Variants in VWF observed in about 807,000 individuals in gnomAD.
The protein encoded by VWF is von Willebrand factor, also known as Factor VIII related antigen.
Under a neutral mutation model 308.6 loss-of-function variants are expected in VWF, and 176 were observed. The ratio of observed to expected loss-of-function variants is 0.57; its 90% CI spans 0.50 to 0.65. The LOEUF is 0.65. Among genes scored for constraint, VWF ranks in the 30% least tolerant of loss-of-function variants. The probability of loss-of-function intolerance (pLI) is 0.00; values close to 1 mark genes in which losing one functional copy is unlikely to be tolerated. For missense variants in VWF, 3,146 were observed against 3,648.2 expected, an observed-to-expected ratio of 0.86 and a Z score of 3.55; for synonymous variants, 1,385 against 1,443.4, an observed-to-expected ratio of 0.96 and a Z score of 0.92.
At chr12:5,981,232 C>A (rs539801293) in intron 42 of VWF, among the ~76,000 whole-genome samples, 3 of 151,734 alleles carry the variant, frequency 2.0e-5, no homozygotes, top group African/African-American at 7.3e-5. Context: ...AATGAGTAAA[C>A]TATTAACTGC....
At chr12:6,026,222 C>G (rs1944190960) in intron 22 of VWF, among the ~76,000 whole-genome samples, 176 bp from the exon 23 acceptor site, 1 of 152,152 alleles carries the variant, frequency 6.6e-6, no homozygotes. Flanking sequence ...CTTGCCATTG[C>G]CAAGACCCAT....
Position 6,029,413 on chromosome 12 carries a change from G to A in VWF, c.2896C>T (p.Leu966=). ...CAGACCACGGAGAGGGCTTTGCCCA[G>A]CAGCAGAATGATGTACCGGCCAGAC... is the stretch of plus-strand genomic sequence containing the variant. ...VESGRYIILL[L]GKALSVVWDR... is the part of the protein sequence containing the mutation. The change falls in exon 22 of 52, where the codon CTG becomes TTG. Residue 966 remains leucine (L), a synonymous_variant. Transcript: ENST00000261405. 6.2e-7 allele frequency: 1 copy of A among 1,614,154 alleles called. No individual in the cohort carries two copies. The highest frequency in any genetic ancestry group is 8.5e-7 in the Non-Finnish European group (1 of 1,180,048).
intron 6 of VWF, among the ~76,000 whole-genome samples, chr12:6,086,136 G>A (rs1476825931): frequency 1.3e-5 from 2 of 152,146 alleles, no homozygotes; most frequent in Non-Finnish European, 2.9e-5. Context: ...CCTCAGAGAG[G>A]GAAGACTGAG....
At chr12:6,053,624 A>G (rs1047780387) in intron 15 of VWF, among the ~76,000 whole-genome samples, 5 of 152,236 alleles carry the variant, frequency 3.3e-5, no homozygotes, top group Non-Finnish European at 7.3e-5. Flanking sequence ...AGCTAAGGGA[A>G]CGGGCTCTGT....
At chr12:6,039,947 A>G (rs1429506836) in intron 18 of VWF, among the ~76,000 whole-genome samples, 2 of 152,194 alleles carry the variant, frequency 1.3e-5, no homozygotes, top group African/African-American at 4.8e-5. Flanking sequence ...TCTCCCAGAC[A>G]GAGGCCTAAG....
chr12:5,993,991 C>T lies in VWF; in HGVS notation c.6469G>A (p.Ala2157Thr). ...FAECHKVLAP[A>T]TFYAICQQDS... is the part of the protein sequence containing the mutation. ...TGCTGGCAGATGGCATAGAATGTGG[C>T]TGGAGCCAGGACCTTGTGGCATTCA... The change falls in exon 37 of 52, where the codon GCC becomes ACC. Residue 2157 changes from alanine to threonine, a missense_variant. Physicochemically the swap from Ala to Thr is moderately conservative, Grantham distance 58. This residue lies in a region of VWF where 989 missense variants were observed against 1,117.4 expected (regional missense o/e 0.89). Transcript: ENST00000261405. 6.2e-7 allele frequency: 1 copy of T among 1,614,160 alleles called. No homozygotes were observed. Among genetic ancestry groups the T allele is most frequent in the Non-Finnish European group, 8.5e-7 (1 of 1,180,040 alleles).
In VWF at chr12:5,967,524, G is replaced by T. The variant is rs371948517; in HGVS notation, c.7849C>A (p.Leu2617Met). The T allele has an allele frequency of 9.3e-6, 15 of 1,614,038 alleles. No individual in the cohort carries two copies. In the East Asian group the frequency reaches 2.9e-4, roughly 31 times the overall value. The change falls in exon 47 of 52, where the codon CTG (leucine) becomes ATG (methionine). Residue 2617 changes from leucine to methionine, a missense_variant. Around this residue, in one of 3 missense-constraint regions of VWF, gnomAD observed 989 missense variants for 1,117.4 expected, o/e 0.89. Transcript: ENST00000261405. Reference sequence around the variant, plus strand: ...TTGCAGGTGGTCTTCCTGCACTCCAGCTTGAATCCAGAGATGACCCCCACC... The same window carrying T: ...TTGCAGGTGGTCTTCCTGCACTCCATCTTGAATCCAGAGATGACCCCCACC... ...VQVGVISGFK[L>M]ECRKTTCNPC... is the part of the protein sequence containing the mutation.
At chr12:6,033,748 C>T (rs1441939769) in intron 20 of VWF, among the ~76,000 whole-genome samples, 1 of 151,180 alleles carries the variant, frequency 6.6e-6, no homozygotes, top group African/African-American at 2.5e-5. Flanking sequence ...GCATGCTCTA[C>T]ACGAGTGGTC....
intron 38 of VWF, among the ~76,000 whole-genome samples, chr12:5,986,925 G>C (rs938020248): frequency 6.6e-6 from 1 of 151,714 alleles, no homozygotes; most frequent in Non-Finnish European, 1.5e-5. Flanking sequence ...GTTTTTGTTT[G>C]TTTGTTTGTT....
At chr12:5,988,475 T>C (rs1451623205) in intron 38 of VWF, among the ~76,000 whole-genome samples, 1 of 152,038 alleles carries the variant, frequency 6.6e-6, no homozygotes, top group African/African-American at 2.4e-5. Flanking sequence ...AGTGTTCTTT[T>C]TTCTCTCCTT....
intron 34 of VWF, among the ~76,000 whole-genome samples, chr12:6,000,920 T>C (rs1277340241): frequency 5.9e-5 from 9 of 151,830 alleles, no homozygotes; most frequent in African/African-American, 1.9e-4. Context: ...TTTATTTATA[T>C]AGTCATAGAT....
At chr12:5,980,386 T>C (rs1943592278) in intron 42 of VWF, among the ~76,000 whole-genome samples, 1 of 152,154 alleles carries the variant, frequency 6.6e-6, no homozygotes, top group African/African-American at 2.4e-5. Context: ...TGGGTCTAAC[T>C]TCTAGTCTAC....
intron 6 of VWF, among the ~76,000 whole-genome samples, chr12:6,093,290 C>T (rs1395814877): frequency 6.6e-6 from 1 of 152,084 alleles, no homozygotes; most frequent in East Asian, 1.9e-4. Context: ...CTGCCAAGGG[C>T]TCACCACTGA....
intron 5 of VWF, among the ~76,000 whole-genome samples, chr12:6,100,511 G>A (rs1241433825): frequency 6.6e-6 from 1 of 151,424 alleles, no homozygotes; most frequent in Non-Finnish European, 1.5e-5. Context: ...AACAATGATA[G>A]ACTGGATTAA....
intron 14 of VWF, 72 bp from the exon 15 acceptor site, chr12:6,057,144 C>A: frequency 7.1e-7 from 1 of 1,399,596 alleles, no homozygotes; most frequent in Non-Finnish European, 9.6e-7. Flanking sequence ...GGTCAACACT[C>A]CCCTGGAAAT....
At chr12:5,962,525 T>C (rs1943330799) in intron 47 of VWF, among the ~76,000 whole-genome samples, 1 of 146,774 alleles carries the variant, frequency 6.8e-6, no homozygotes, top group Admixed American at 6.8e-5. Flanking sequence ...GGTCCATACA[T>C]ACACAGGCAA....
chr12:6,121,932 A>C (rs1234591840), intron 2 of VWF, among the ~76,000 whole-genome samples: 1 of 149,042 alleles, frequency 6.7e-6, no homozygotes, highest in Non-Finnish European at 1.5e-5. Flanking sequence ...CTCTGTCTCG[A>C]AAAAAAAAAG....
In VWF at chr12:5,994,183, C is replaced by G. The variant is rs149274687; in HGVS notation, c.6277G>C (p.Ala2093Pro). The change falls in exon 37 of 52, where the codon GCC (alanine) becomes CCC (proline). Residue 2093 changes from alanine to proline, a missense_variant. Physicochemically the swap from Ala to Pro is conservative, Grantham distance 27. Transcript: ENST00000261405. ...CCATCCCTCAGCATGAAGTCATTGG[C>G]TCCGTTCTCATCACAGATCCCTAGA... ...GLCGICDENG[A>P]NDFMLRDGTV... 19 of 1,613,954 alleles carry G rather than the reference C, an allele frequency of 1.2e-5. No individual in the cohort carries two copies. The Middle Eastern group carries it at 6.6e-4, about 56-fold the overall frequency.
intron 10 of VWF, among the ~76,000 whole-genome samples, chr12:6,069,264 T>C (rs1944755907): frequency 1.3e-5 from 2 of 152,098 alleles, no homozygotes. Context: ...ATAGAGAAGT[T>C]CAACTCATCC....
Sources: allele counts gnomAD v4.1 joint callset (sites outside exome capture counted in the v4.1 genomes callset), GRCh38; gene constraint gnomAD v4.1.1; regional missense constraint gnomAD v4.1.1; transcripts MANE v1.5; gene names NCBI Gene and HGNC (gene_info 2026-07-23, HGNC 2026-07-21).